The following PPP1R8 variants were observed in gnomAD, a reference collection of about 807,000 sequenced individuals.
The protein encoded by PPP1R8 is nuclear inhibitor of protein phosphatase 1.
In PPP1R8, 4 loss-of-function variants were observed where a neutral mutation model predicts 31.3. The observed-to-expected ratio is 0.13, with a 90% CI of 0.06 to 0.29. The LOEUF is 0.29. Ranked by LOEUF, PPP1R8 falls within the 10% of genes least tolerant of loss-of-function variation. The pLI is 1.00. For synonymous variants in PPP1R8, 170 were observed against 169.7 expected (o/e 1.00, Z -0.01); for missense variants, 254 against 440.1 (o/e 0.58, Z 3.78).
intron 2 of PPP1R8, among the ~76,000 whole-genome samples, chr1:27,834,241 C>G (rs577849011): frequency 6.6e-6 from 1 of 152,218 alleles, no homozygotes; most frequent in African/African-American, 2.4e-5. Context: ...TTGCCAGACA[C>G]TCCTCTGATC....
intron 4 of PPP1R8, 67 bp downstream of exon 4, chr1:27,841,301 T>G: frequency 6.6e-7 from 1 of 1,522,114 alleles, no homozygotes; most frequent in Non-Finnish European, 9.0e-7. Flanking sequence ...ACAGCTGTTC[T>G]ATGTAGCTGG....
At chr1:27,831,891 T>G (rs1430681244) in intron 1 of PPP1R8, among the ~76,000 whole-genome samples, 2 of 152,206 alleles carry the variant, frequency 1.3e-5, no homozygotes, top group Non-Finnish European at 2.9e-5. Context: ...AGGTGGTTCT[T>G]TTTTCTAACT....
chr1:27,849,425 TC>T (rs1216755611), intron 6 of PPP1R8, among the ~76,000 whole-genome samples: 1 of 151,770 alleles, frequency 6.6e-6, no homozygotes, highest in Admixed American at 6.6e-5. Flanking sequence ...CCACATTTTT[TC>T]CCCCTCAAAA....
chr1:27,831,154 G>A, intron 1 of PPP1R8: 1 of 1,250,614 alleles, frequency 8.0e-7, no homozygotes. Context: ...TTAGCCAGTC[G>A]CCGGAGCGCT....
rs552129431 is a variant in PPP1R8 at position 27,832,678 on chromosome 1, A to G, written c.57-78A>G. On this transcript the variant is annotated intron_variant, in intron 1 of 6. Transcript: ENST00000311772. ...ATTATAGGCTGGTAGGAGAGCTGCA[A>G]TGTTGAATGGGACAATGGTTGTAAA... 56 of 1,218,284 alleles carry G rather than the reference A, an allele frequency of 4.6e-5. 2 individuals are homozygous for G. In the Admixed American group the frequency reaches 1.0e-3, roughly 22 times the overall value. The allele number at this position is 1,218,284 out of a possible 1,614,324, so 75.5% of individuals were successfully genotyped here.
intron 4 of PPP1R8, among the ~76,000 whole-genome samples, chr1:27,842,768 A>C (rs1179225037): frequency 1.3e-5 from 2 of 152,192 alleles, no homozygotes; most frequent in Admixed American, 6.5e-5. Flanking sequence ...GTCCTTTTTC[A>C]TCTCAATTTT....
At chr1:27,846,810 C>A (rs1463515612) in intron 5 of PPP1R8, among the ~76,000 whole-genome samples, 1 of 152,220 alleles carries the variant, frequency 6.6e-6, no homozygotes, top group Admixed American at 6.5e-5. Flanking sequence ...TCCTCCAAGC[C>A]TCAGTTTGCT....
At chr1:27,837,729 C>G (rs1317868643) in intron 2 of PPP1R8, among the ~76,000 whole-genome samples, 4 of 145,256 alleles carry the variant, frequency 2.8e-5, no homozygotes, top group Non-Finnish European at 4.5e-5. Context: ...GAGCCGAGAT[C>G]GCACCACTGC....
At chr1:27,831,787 G>A (rs552652058) in intron 1 of PPP1R8, among the ~76,000 whole-genome samples, 2 of 152,200 alleles carry the variant, frequency 1.3e-5, no homozygotes, top group Non-Finnish European at 2.9e-5. Context: ...CCATAGAGGA[G>A]GGGTTGGGGC....
At chr1:27,842,957 C>T (rs2089237454) in intron 4 of PPP1R8, among the ~76,000 whole-genome samples, 1 of 152,188 alleles carries the variant, frequency 6.6e-6, no homozygotes, top group South Asian at 2.1e-4. Flanking sequence ...AATATCACTG[C>T]CCCACTAGTC....
intron 2 of PPP1R8, among the ~76,000 whole-genome samples, chr1:27,835,099 T>TC (rs968561595): frequency 6.6e-6 from 1 of 152,118 alleles, no homozygotes; most frequent in Admixed American, 6.6e-5. Context: ...TTGGAGGCAC[T>TC]CTTTTTTTTT....
chr1:27,831,529 A>G (rs1186943028), intron 1 of PPP1R8, among the ~76,000 whole-genome samples: 1 of 152,142 alleles, frequency 6.6e-6, no homozygotes, highest in African/African-American at 2.4e-5. Flanking sequence ...ATAAATATGA[A>G]TTACCTTACA....
At chr1:27,838,363 G>C (rs532799440) in intron 2 of PPP1R8, among the ~76,000 whole-genome samples, 1 of 152,274 alleles carries the variant, frequency 6.6e-6, no homozygotes, top group Admixed American at 6.5e-5. Flanking sequence ...CTGGGCAACA[G>C]AGTGAGACTC....
Position 27,850,576 on chromosome 1 carries a change from A to G in PPP1R8, c.*130A>G, listed in dbSNP as rs769070992. 3.2e-5 allele frequency: 27 copies of G among 831,850 alleles called. No individual in the cohort carries two copies. Among genetic ancestry groups the G allele is most frequent in the South Asian group, 1.9e-4 (10 of 52,962 alleles). The allele number at this position is 831,850 out of a possible 1,614,324, so 51.5% of individuals were successfully genotyped here. On this transcript the variant is annotated 3_prime_UTR_variant, in exon 7 of 7. Transcript: ENST00000311772. ...CTTTCAGAATGTCTCCTGGCATCCT[A>G]ACCATGTAATATGACAATTGGGGGT...
chr1:27,831,109 T>C, intron 1 of PPP1R8: 1 of 1,351,060 alleles, frequency 7.4e-7, no homozygotes, highest in Non-Finnish European at 9.5e-7. Flanking sequence ...GGTTGGGGGC[T>C]CAAAGGCGCT....
At chr1:27,835,898 G>C (rs1458394107) in intron 2 of PPP1R8, among the ~76,000 whole-genome samples, 1 of 152,226 alleles carries the variant, frequency 6.6e-6, no homozygotes, top group Non-Finnish European at 1.5e-5. Context: ...GGGTGGTTGT[G>C]AGGATGAAAT....
intron 2 of PPP1R8, 151 bp downstream of exon 2, chr1:27,832,967 C>T: frequency 1.5e-6 from 1 of 656,556 alleles, no homozygotes; most frequent in South Asian, 2.2e-5. Context: ...CACATGGTGA[C>T]ATCACACATT....
chr1:27,834,335 T>G (rs750506545), intron 2 of PPP1R8: 7 of 478,786 alleles, frequency 1.5e-5, no homozygotes, highest in Non-Finnish European at 2.5e-5. Flanking sequence ...TTACAATCCT[T>G]AGACATCACT....
intron 1 of PPP1R8, among the ~76,000 whole-genome samples, chr1:27,831,967 T>A (rs980858187): frequency 2.0e-5 from 3 of 152,218 alleles, no homozygotes; most frequent in Admixed American, 1.3e-4. Context: ...TGCACTTTTG[T>A]AGTAGTTGCT....
Sources: gnomAD v4.1 joint callset for allele counts (sites outside exome capture counted in the v4.1 genomes callset) on GRCh38, gnomAD v4.1.1 for gene constraint, MANE v1.5 for transcripts, NCBI Gene and HGNC (gene_info 2026-07-23, HGNC 2026-07-21) for gene names.